The following CYFIP1 variants were observed in gnomAD, a reference collection of about 807,000 sequenced individuals.
CYFIP1 encodes cytoplasmic FMR1 interacting protein 1.
In CYFIP1, 58 loss-of-function variants were observed where a neutral mutation model predicts 163.5. The observed-to-expected ratio is 0.35, with a 90% CI of 0.29 to 0.44. CYFIP1 has a LOEUF of 0.44. Ranked by LOEUF, CYFIP1 falls within the 20% of genes least tolerant of loss-of-function variation. CYFIP1 has a pLI of 1.00. For synonymous variants in CYFIP1, 663 were observed against 660.7 expected (o/e 1.00, Z -0.05); for missense variants, 1,338 against 1,653.8 (o/e 0.81, Z 3.31).
chr15:22,952,244 T>TG (rs926211434), intron 1 of CYFIP1, among the ~76,000 whole-genome samples: 22 of 151,914 alleles, frequency 1.4e-4, no homozygotes, highest in African/African-American at 5.3e-4. Context: ...GCTGGGGAGT[T>TG]GGTGTTTAGT....
rs769242344 is a variant in CYFIP1 at position 22,875,193 on chromosome 15, G to A, written c.3115+6C>T. On this transcript the variant is annotated splice_donor_region_variant and intron_variant, in intron 27 of 30. Transcript: ENST00000617928. ...TGGACTCCCTGGTGGGGGTCAGCAG[G>A]CTCACCTTTCACATGGACTCGCGGC... is the stretch of plus-strand genomic sequence containing the variant. 4.3e-6 allele frequency: 7 copies of A among 1,613,874 alleles called. No individual in the cohort carries two copies. Among genetic ancestry groups the A allele is most frequent in the East Asian group, 2.2e-5 (1 of 44,866 alleles).
intron 13 of CYFIP1, among the ~76,000 whole-genome samples, chr15:22,922,307 TG>T (rs1404655784): frequency 6.6e-6 from 1 of 152,198 alleles, no homozygotes; most frequent in Non-Finnish European, 1.5e-5. Flanking sequence ...GCCACGTGAC[TG>T]GCCCCCAGTA....
At chr15:22,972,514 T>C (rs1006691926) in intron 1 of CYFIP1, among the ~76,000 whole-genome samples, 1 of 152,090 alleles carries the variant, frequency 6.6e-6, no homozygotes, top group Non-Finnish European at 1.5e-5. Flanking sequence ...CACAGACACA[T>C]AAACCAATGG....
intron 1 of CYFIP1, among the ~76,000 whole-genome samples, chr15:22,961,091 G>T (rs377178909): frequency 6.6e-6 from 1 of 151,888 alleles, no homozygotes; most frequent in Non-Finnish European, 1.5e-5. Flanking sequence ...GCATGATCTC[G>T]ACTCACTGCA....
chr15:22,913,800 C>T (rs1036853432), intron 17 of CYFIP1, among the ~76,000 whole-genome samples: 9 of 152,054 alleles, frequency 5.9e-5, no homozygotes, highest in Non-Finnish European at 1.2e-4. Flanking sequence ...TCACGCCACC[C>T]CAATGCTGTG....
intron 28 of CYFIP1, among the ~76,000 whole-genome samples, chr15:22,874,177 G>T (rs1378029459): frequency 1.3e-5 from 2 of 152,184 alleles, no homozygotes; most frequent in Non-Finnish European, 2.9e-5. Flanking sequence ...GAGAAACCCT[G>T]ACTTAGCATA....
chr15:22,923,439 T>C (rs2061253574), intron 13 of CYFIP1, among the ~76,000 whole-genome samples: 1 of 152,168 alleles, frequency 6.6e-6, no homozygotes, highest in African/African-American at 2.4e-5. Context: ...CCCACTAGGA[T>C]AGCTAGAATC....
chr15:22,937,268 T>C (rs1007138624), intron 8 of CYFIP1, 60 bp from the exon 9 acceptor site: 180 of 1,002,186 alleles, frequency 1.8e-4, no homozygotes, highest in Non-Finnish European at 1.1e-4. Flanking sequence ...TCACTACCCA[T>C]AAGGACTTAC....
rs73426857 is a variant in CYFIP1, at chr15:22,965,810, A to G, written c.-7+14477T>C. Among the ~76,000 whole-genome samples, 1,174 of 152,226 alleles carry G rather than the reference A, an allele frequency of 7.7e-3. 14 individuals carry two copies. Among genetic ancestry groups the G allele is most frequent in the African/African-American group, 0.025 (1,035 of 41,536 alleles). ...GGTGTCCCCAGAGCAGCAGGAGTCC[A>G]TGGCTCTGAGAGTTCAGGGGCGCCC... is the stretch of plus-strand genomic sequence containing the variant. On this transcript the variant is annotated intron_variant, in intron 1 of 30. Transcript: ENST00000617928.
chr15:22,915,120 G>A (rs1391316478), intron 16 of CYFIP1: 2 of 401,798 alleles, frequency 5.0e-6, no homozygotes, highest in Non-Finnish European at 8.6e-6. Flanking sequence ...GGGATCCAGG[G>A]GGAAAGTGTC....
At chr15:22,901,031 T>C (rs1462361757) in intron 22 of CYFIP1, among the ~76,000 whole-genome samples, 3 of 151,472 alleles carry the variant, frequency 2.0e-5, no homozygotes, top group African/African-American at 7.3e-5. Context: ...AGTGAAACCC[T>C]GTCTCTATTA....
chr15:22,877,506 T>A (rs114255307), intron 26 of CYFIP1, among the ~76,000 whole-genome samples: 3,344 of 152,336 alleles, frequency 0.022, 48 homozygotes, highest in African/African-American at 0.028. Context: ...AATATTCCTG[T>A]ATTAAATATT....
chr15:22,916,523 T>G lies in CYFIP1; in HGVS notation c.1782A>C (p.Lys594Asn). 1 of 1,613,854 alleles carries G rather than the reference T, an allele frequency of 6.2e-7. No homozygotes were observed. Among genetic ancestry groups the G allele is most frequent in the Non-Finnish European group, 8.5e-7 (1 of 1,179,902 alleles). ...LEGPTILDIEKFHRESFFYTH... is the reference protein window; with the variant it reads ...LEGPTILDIENFHRESFFYTH... ...TGTAGAAGAATGACTCTCGATGAAATTTTTCTATGTCCAATATGGTGGGCC... is the reference window on the plus strand; with the variant it reads ...TGTAGAAGAATGACTCTCGATGAAAGTTTTCTATGTCCAATATGGTGGGCC... The change falls in exon 16 of 31, where the codon AAA (lysine) becomes AAC (asparagine). Residue 594 changes from lysine (K) to asparagine (N), a missense_variant. Transcript: ENST00000617928.
chr15:22,925,869 C>T (rs952395449), intron 13 of CYFIP1, 113 bp downstream of exon 13: 7 of 1,462,726 alleles, frequency 4.8e-6, no homozygotes, highest in Middle Eastern at 1.8e-4. Flanking sequence ...AAGGGGTGCC[C>T]ACACAGAAGC....
intron 17 of CYFIP1, 97 bp from the exon 18 acceptor site, chr15:22,912,372 C>G (rs566288052): frequency 1.1e-6 from 1 of 885,028 alleles, no homozygotes; most frequent in East Asian, 2.7e-5. Flanking sequence ...CCATTTTCCA[C>G]CTCTCACGTA....
intron 11 of CYFIP1, among the ~76,000 whole-genome samples, chr15:22,930,344 C>T (rs373529161): frequency 6.8e-6 from 1 of 147,310 alleles, no homozygotes; most frequent in Admixed American, 7.2e-5. Flanking sequence ...CGAGATTGCA[C>T]CACTGCACTC....
At chr15:22,924,517 A>T (rs1438061713) in intron 13 of CYFIP1, among the ~76,000 whole-genome samples, 4 of 152,218 alleles carry the variant, frequency 2.6e-5, no homozygotes, top group Admixed American at 6.5e-5. Context: ...ACTCATATGA[A>T]ATGCCCAGAG....
intron 9 of CYFIP1, among the ~76,000 whole-genome samples, chr15:22,934,720 G>T (rs145621342): frequency 0.19 from 26,955 of 143,726 alleles, 2,658 homozygotes; most frequent in Middle Eastern, 0.25. Flanking sequence ...GGATGGTCTC[G>T]ATCTCCTGAC....
chr15:22,882,001 G>A (rs541623964), intron 24 of CYFIP1, 65 bp from the exon 25 acceptor site: 3 of 1,403,494 alleles, frequency 2.1e-6, no homozygotes, highest in East Asian at 4.7e-5. Flanking sequence ...CCTGTGGCCG[G>A]CGCATACCCT....
Sources: gnomAD v4.1 joint callset for allele counts (sites outside exome capture counted in the v4.1 genomes callset) on GRCh38, gnomAD v4.1.1 for gene constraint, MANE v1.5 for transcripts, NCBI Gene and HGNC (gene_info 2026-07-23, HGNC 2026-07-21) for gene names.